Variants in TNFRSF19 observed in about 807,000 individuals in gnomAD.
The protein encoded by TNFRSF19 is TNF receptor superfamily member 19.
Under a neutral mutation model 46.4 loss-of-function variants are expected in TNFRSF19, and 27 were observed. The observed-to-expected ratio is 0.58, with a 90% CI of 0.43 to 0.80. The LOEUF (loss-of-function observed/expected upper bound fraction) is 0.80. TNFRSF19 is among the 30% of genes least tolerant of loss of function. The pLI, the probability that TNFRSF19 is intolerant of heterozygous loss-of-function variation, is 0.00. For missense variants in TNFRSF19, 511 were observed against 530.8 expected (o/e 0.96, Z 0.37); for synonymous variants, 204 against 205.0 (o/e 1.00, Z 0.04).
At chr13:23,640,638 CTGTA>C (rs1882983380) in intron 5 of TNFRSF19, among the ~76,000 whole-genome samples, 2 of 152,216 alleles carry the variant, frequency 1.3e-5, no homozygotes, top group African/African-American at 4.8e-5. Flanking sequence ...TGTTGGCAAA[CTGTA>C]TGCCAAGATG....
intron 4 of TNFRSF19, among the ~76,000 whole-genome samples, chr13:23,619,463 TTGTAC>T (rs1881512312): frequency 6.6e-6 from 1 of 152,006 alleles, no homozygotes; most frequent in Non-Finnish European, 1.5e-5. Flanking sequence ...GTGGTGATGG[TTGTAC>T]AACTCTGTGA....
intron 1 of TNFRSF19, among the ~76,000 whole-genome samples, chr13:23,573,707 TTTGA>T (rs2138127675): frequency 6.6e-6 from 1 of 152,256 alleles, no homozygotes; most frequent in African/African-American, 2.4e-5. Flanking sequence ...TCATATCATG[TTTGA>T]TTATGTTAAG....
chr13:23,601,527 A>T (rs890672179), intron 3 of TNFRSF19, among the ~76,000 whole-genome samples: 4 of 152,226 alleles, frequency 2.6e-5, no homozygotes, highest in African/African-American at 9.6e-5. Context: ...AGAAACATGG[A>T]TCTACATAAA....
chr13:23,606,359 T>TA (rs10710338), intron 3 of TNFRSF19, among the ~76,000 whole-genome samples: 4 of 151,348 alleles, frequency 2.6e-5, no homozygotes, highest in Non-Finnish European at 4.4e-5. Context: ...ATAATTTTTT[T>TA]AAAAAAAAAG....
At chr13:23,658,938 C>A in intron 5 of TNFRSF19, 112 bp from the exon 6 acceptor site, 1 of 1,384,036 alleles carries the variant, frequency 7.2e-7, no homozygotes, top group Non-Finnish European at 1.0e-6. Context: ...ATATCTCATG[C>A]CAGTTTTCTC....
chr13:23,606,192 C>T (rs1566179600), intron 3 of TNFRSF19, among the ~76,000 whole-genome samples: 1 of 152,048 alleles, frequency 6.6e-6, no homozygotes, highest in African/African-American at 2.4e-5. Flanking sequence ...TTTCATATTC[C>T]CATGGCTATC....
chr13:23,589,431 G>T (rs1272925139), intron 1 of TNFRSF19, among the ~76,000 whole-genome samples: 1 of 152,180 alleles, frequency 6.6e-6, no homozygotes, highest in East Asian at 1.9e-4. Flanking sequence ...GTTTGGGAAA[G>T]AATTCATAAA....
chr13:23,602,623 C>T (rs1880239245), intron 3 of TNFRSF19, among the ~76,000 whole-genome samples: 1 of 152,024 alleles, frequency 6.6e-6, no homozygotes, highest in Admixed American at 6.6e-5. Flanking sequence ...ATAAAACACA[C>T]CTTAACAAAG....
At chr13:23,609,531 C>T (rs574805835) in intron 3 of TNFRSF19, among the ~76,000 whole-genome samples, 4 of 152,160 alleles carry the variant, frequency 2.6e-5, no homozygotes, top group Non-Finnish European at 5.9e-5. Flanking sequence ...GTAACACGAT[C>T]GCCTCGCAGC....
At chr13:23,621,620 A>T (rs1357401990) in intron 4 of TNFRSF19, among the ~76,000 whole-genome samples, 1 of 152,160 alleles carries the variant, frequency 6.6e-6, no homozygotes, top group Non-Finnish European at 1.5e-5. Flanking sequence ...AGATTTTTTT[A>T]AAATAGCAGT....
intron 5 of TNFRSF19, among the ~76,000 whole-genome samples, chr13:23,628,346 G>T (rs1390296740): frequency 9.2e-5 from 14 of 152,150 alleles, no homozygotes. Context: ...AGGGACACTG[G>T]AAGAGTGTCT....
At chr13:23,614,746 CAT>C (rs59117822) in intron 3 of TNFRSF19, among the ~76,000 whole-genome samples, 3,319 of 134,716 alleles carry the variant, frequency 0.025, 164 homozygotes, top group African/African-American at 0.086. Context: ...ATAAGTAATA[CAT>C]ATATATATAT....
intron 9 of TNFRSF19, among the ~76,000 whole-genome samples, chr13:23,672,841 C>A (rs1423022282): frequency 6.6e-6 from 1 of 152,186 alleles, no homozygotes; most frequent in Admixed American, 6.5e-5. Context: ...TGTGAGTATG[C>A]TAGGGAGATT....
chr13:23,595,306 G>T (rs9550988), intron 3 of TNFRSF19, among the ~76,000 whole-genome samples: 39,237 of 151,912 alleles, frequency 0.26, 5,592 homozygotes, highest in African/African-American at 0.38. Context: ...AATAACAAAC[G>T]TCACCAAGCT....
chr13:23,600,360 T>A (rs1880046800), intron 3 of TNFRSF19, among the ~76,000 whole-genome samples: 1 of 152,006 alleles, frequency 6.6e-6, no homozygotes, highest in South Asian at 2.1e-4. Context: ...AGCACCAGGG[T>A]GGGAAACCTG....
At chr13:23,600,117 A>G (rs950926714) in intron 3 of TNFRSF19, among the ~76,000 whole-genome samples, 1 of 152,206 alleles carries the variant, frequency 6.6e-6, no homozygotes, top group Non-Finnish European at 1.5e-5. Flanking sequence ...TTGGAGAATC[A>G]GACCATAAGA....
intron 1 of TNFRSF19, among the ~76,000 whole-genome samples, chr13:23,580,623 G>A (rs1462640037): frequency 6.6e-6 from 1 of 152,228 alleles, no homozygotes; most frequent in Non-Finnish European, 1.5e-5. Context: ...AAAATTCCAG[G>A]CAGTGCTTAT....
chr13:23,602,577 A>T (rs996707267), intron 3 of TNFRSF19, among the ~76,000 whole-genome samples: 1 of 152,114 alleles, frequency 6.6e-6, no homozygotes, highest in African/African-American at 2.4e-5. Flanking sequence ...TTAAGCTGTC[A>T]TGGAAAATTC....
At chr13:23,613,448 T>G (rs184463398) in intron 3 of TNFRSF19, among the ~76,000 whole-genome samples, 59 of 152,252 alleles carry the variant, frequency 3.9e-4, no homozygotes, top group Non-Finnish European at 7.1e-4. Flanking sequence ...TTCTCCTATG[T>G]TGACCTGGCT....
Sources: gnomAD v4.1 joint callset for allele counts (sites outside exome capture counted in the v4.1 genomes callset) on GRCh38, gnomAD v4.1.1 for gene constraint, MANE v1.5 for transcripts, NCBI Gene and HGNC (gene_info 2026-07-23, HGNC 2026-07-21) for gene names.